PIK3R5: variants seen among roughly 807,000 people sequenced by gnomAD.
PIK3R5 encodes phosphoinositide 3-kinase regulatory subunit 5.
A neutral mutation model predicts 94.9 loss-of-function variants in PIK3R5; 32 were observed. The ratio of observed to expected loss-of-function variants is 0.34; its 90% CI spans 0.25 to 0.45. PIK3R5 has a LOEUF of 0.45. PIK3R5 is among the 20% of genes least tolerant of loss of function. PIK3R5 has a pLI of 1.00. For synonymous variants in PIK3R5, 443 were observed against 479.4 expected, an observed-to-expected ratio of 0.92 and a Z score of 0.99; for missense variants, 853 against 1,144.6, an observed-to-expected ratio of 0.75 and a Z score of 3.68.
chr17:8,902,845 A>G (rs1428635665), intron 5 of PIK3R5, among the ~76,000 whole-genome samples: 1 of 113,496 alleles, frequency 8.8e-6, no homozygotes, highest in East Asian at 2.1e-4. Flanking sequence ...TTTTAGATAG[A>G]ATTTTTTTTT....
chr17:8,949,958 C>T (rs1167520759), intron 1 of PIK3R5, among the ~76,000 whole-genome samples: 1 of 152,082 alleles, frequency 6.6e-6, no homozygotes, highest in African/African-American at 2.4e-5. Context: ...TGTCTGAGTC[C>T]ACCAGTCCCC....
chr17:8,927,186 T>C (rs1450109450), intron 1 of PIK3R5, among the ~76,000 whole-genome samples: 1 of 152,162 alleles, frequency 6.6e-6, no homozygotes, highest in Non-Finnish European at 1.5e-5. Context: ...AATAAAGCCC[T>C]CACAAAAGCC....
At chr17:8,900,607 C>A (rs1443137416) in intron 5 of PIK3R5, among the ~76,000 whole-genome samples, 1 of 152,210 alleles carries the variant, frequency 6.6e-6, no homozygotes, top group Admixed American at 6.5e-5. Flanking sequence ...AAAAGGCCAT[C>A]AGCAGTGAGT....
chr17:8,882,850 C>T lies in PIK3R5; in HGVS notation c.2206-969G>A, dbSNP rs1055424132. On this transcript the variant is annotated intron_variant, in intron 15 of 18. Coordinates refer to ENST00000447110, the MANE Select transcript of PIK3R5 (RefSeq NM_001142633.3). The surrounding 1 kb of genome is among the most constrained non-coding windows in gnomAD (Gnocchi z 4.1). ...TCCCATTCCTTTCCAGCTCTGCCAC[C>T]ACTACCCTAGTGCAGGCTGCTGCCC... Among the ~76,000 whole-genome samples the T allele has an allele frequency of 2.7e-5, 4 of 150,262 alleles. No individual in the cohort carries two copies. Among genetic ancestry groups the T allele is most frequent in the Non-Finnish European group, 5.9e-5 (4 of 67,960 alleles).
intron 1 of PIK3R5, among the ~76,000 whole-genome samples, chr17:8,958,321 C>G (rs563875585): frequency 6.6e-6 from 1 of 150,962 alleles, no homozygotes; most frequent in East Asian, 1.9e-4. Context: ...CACAGCAAAT[C>G]AAACCTAGCA....
chr17:8,890,758 C>A lies in PIK3R5; in HGVS notation c.637G>T (p.Gly213Cys), dbSNP rs1167336183. 1 of 1,610,592 alleles carries A rather than the reference C, an allele frequency of 6.2e-7. No homozygotes were observed. Among genetic ancestry groups the A allele is most frequent in the South Asian group, 1.1e-5 (1 of 90,344 alleles). Residue 213 changes from glycine (G) to cysteine (C), a missense_variant, in exon 7 of 19, where the codon GGC (glycine) becomes TGC (cysteine). Transcript: ENST00000447110. The surrounding 1 kb of genome is among the most constrained non-coding windows in gnomAD (Gnocchi z 6.1). Reference protein sequence around the residue: ...ATFGAHCDVPGLHCRLQAKTL... With the variant: ...ATFGAHCDVPCLHCRLQAKTL... ...CATACCTGTAGCCTGCAGTGCAGGC[C>A]CGGGACGTCACAGTGGGCCCCAAAG...
rs2089648028 is a variant in PIK3R5 at position 8,881,172 on chromosome 17, G to A, written c.2383-155C>T. 6.6e-6 allele frequency among the ~76,000 whole-genome samples: 1 copy of A among 152,102 alleles called. No individual in the cohort carries two copies. The highest frequency in any genetic ancestry group is 1.5e-5 in the Non-Finnish European group (1 of 68,018). On this transcript the variant is annotated intron_variant, in intron 17 of 18. Transcript: ENST00000447110. This position sits in a 1 kb window ranked among gnomAD's most constrained non-coding sequence, Gnocchi z 4.8. ...CTCCAGGGTTAATGGCCAGGTCACA[G>A]GAGGGAGCCTGAGGCCTCCATCAGC... is the stretch of plus-strand genomic sequence containing the variant.
chr17:8,886,829 C>G (rs1005198628), intron 12 of PIK3R5, among the ~76,000 whole-genome samples: 3 of 152,160 alleles, frequency 2.0e-5, no homozygotes, highest in African/African-American at 7.2e-5. Context: ...CAGACAAAGG[C>G]GGGAGTTGAG....
chr17:8,954,691 T>G (rs892584144), intron 1 of PIK3R5, among the ~76,000 whole-genome samples: 45 of 152,112 alleles, frequency 3.0e-4, no homozygotes, highest in African/African-American at 1.0e-3. Context: ...ATCCCAGCAC[T>G]TCGGGAGGCC....
intron 1 of PIK3R5, among the ~76,000 whole-genome samples, chr17:8,946,215 T>C (rs2091267583): frequency 6.6e-6 from 1 of 152,110 alleles, no homozygotes; most frequent in South Asian, 2.1e-4. Flanking sequence ...GCCAGCCCCT[T>C]ACCGAGACCA....
In PIK3R5 at chr17:8,958,490, A is replaced by G. The variant is rs140022017; in HGVS notation, c.-14+7106T>C. 4.5e-3 allele frequency among the ~76,000 whole-genome samples: 676 copies of G among 149,808 alleles called. 9 individuals are homozygous for G. The highest frequency in any genetic ancestry group is 0.014 in the African/African-American group (559 of 39,228). On this transcript the variant is annotated intron_variant, in intron 1 of 18. Coordinates refer to ENST00000447110, the MANE Select transcript of PIK3R5 (RefSeq NM_001142633.3). ...TGCAGATGCTTTAAAAAAGTATTGGACAAATGTAACATCCATTCATGCTTT... is the reference window on the plus strand; with the variant it reads ...TGCAGATGCTTTAAAAAAGTATTGGGCAAATGTAACATCCATTCATGCTTT...
chr17:8,891,893 C>T (rs1031371043), intron 6 of PIK3R5, among the ~76,000 whole-genome samples: 4 of 152,082 alleles, frequency 2.6e-5, no homozygotes, highest in African/African-American at 7.2e-5. Flanking sequence ...CGTGAGCCAC[C>T]GCGCCCGGCT....
At chr17:8,937,374 C>T (rs572115195) in intron 1 of PIK3R5, among the ~76,000 whole-genome samples, 113 of 152,264 alleles carry the variant, frequency 7.4e-4, no homozygotes, top group African/African-American at 2.6e-3. Context: ...GTTAGCTGTA[C>T]GTTTTCTGTA....
rs760651514 is a variant in PIK3R5 at position 8,887,666 on chromosome 17, C to T, written c.1634G>A (p.Arg545His). 1.5e-5 allele frequency: 24 copies of T among 1,601,090 alleles called. No homozygotes were observed. In the Admixed American group the frequency reaches 2.9e-4, roughly 19 times the overall value. Residue 545 changes from arginine (R) to histidine (H), a missense_variant, in exon 11 of 19, where the codon CGC becomes CAC. Physicochemically the swap from Arg to His is conservative, Grantham distance 29. Around this residue, in one of 6 missense-constraint regions of PIK3R5, gnomAD observed 319 missense variants for 339.8 expected, o/e 0.94. Coordinates refer to ENST00000447110, the MANE Select transcript of PIK3R5 (RefSeq NM_001142633.3). ...YSNLRRLENN[R>H]PLLTRFFKLQ... Reference sequence around the variant, plus strand: ...TTTGAAGAACCGTGTGAGGAGTGGGCGATTGTTCTCCAGCCGCCTGGCAAG... The same window carrying T: ...TTTGAAGAACCGTGTGAGGAGTGGGTGATTGTTCTCCAGCCGCCTGGCAAG...
chr17:8,939,011 A>T (rs2091127139), intron 1 of PIK3R5, among the ~76,000 whole-genome samples: 1 of 152,186 alleles, frequency 6.6e-6, no homozygotes, highest in Non-Finnish European at 1.5e-5. Context: ...GGGCTTACAT[A>T]AGCTGGTGCC....
chr17:8,885,679 C>T (rs1288122175), intron 14 of PIK3R5, among the ~76,000 whole-genome samples: 2 of 106,320 alleles, frequency 1.9e-5, no homozygotes, highest in Non-Finnish European at 3.7e-5. Context: ...TCCCCATGGC[C>T]CTGCCTCCTA....
rs1597432434 is a variant in PIK3R5, at chr17:8,950,242, T to C, written c.-14+15354A>G. Reference sequence around the variant, plus strand: ...TTGAGTAGCTTCATCTGTAGGGACATTGCTCCTAAAATGCCAGAGAACCCT... The same window carrying C: ...TTGAGTAGCTTCATCTGTAGGGACACTGCTCCTAAAATGCCAGAGAACCCT... On this transcript the variant is annotated intron_variant, in intron 1 of 18. Coordinates refer to ENST00000447110, the MANE Select transcript of PIK3R5 (RefSeq NM_001142633.3). Among the ~76,000 whole-genome samples, 3 of 152,266 alleles carry C rather than the reference T, an allele frequency of 2.0e-5. No individual in the cohort carries two copies. In the South Asian group the frequency reaches 6.2e-4, roughly 31 times the overall value.
chr17:8,911,598 C>A lies in PIK3R5; in HGVS notation c.-13-91G>T. ...AAGACAACAGGTGCTCACAGTGCAGCGCGATCAGCCCAGCCCAGCTATAGC... is the reference window on the plus strand; with the variant it reads ...AAGACAACAGGTGCTCACAGTGCAGAGCGATCAGCCCAGCCCAGCTATAGC... On this transcript the variant is annotated intron_variant, in intron 1 of 18. Transcript: ENST00000447110. This position sits in a 1 kb window ranked among gnomAD's most constrained non-coding sequence, Gnocchi z 5.3. 1 of 794,684 alleles carries A rather than the reference C, an allele frequency of 1.3e-6. No individual in the cohort carries two copies. Among genetic ancestry groups the A allele is most frequent in the Non-Finnish European group, 2.0e-6 (1 of 489,430 alleles). 49.2% of individuals were successfully genotyped at this position (794,684 alleles called of 1,614,324 possible).
Position 8,889,204 on chromosome 17 carries a change from T to C in PIK3R5, c.830A>G (p.Lys277Arg). 6.2e-7 allele frequency: 1 copy of C among 1,613,676 alleles called. No individual in the cohort carries two copies. Among genetic ancestry groups the C allele is most frequent in the Non-Finnish European group, 8.5e-7 (1 of 1,179,704 alleles). Residue 277 changes from lysine (K) to arginine (R), a missense_variant, in exon 9 of 19, where the codon AAG (lysine) becomes AGG (arginine). By Grantham distance (26) the Lys-to-Arg change is conservative. Coordinates refer to ENST00000447110, the MANE Select transcript of PIK3R5 (RefSeq NM_001142633.3). This position sits in a 1 kb window ranked among gnomAD's most constrained non-coding sequence, Gnocchi z 4.1. Reference sequence around the variant, plus strand: ...GACAGGGATGGGGATGGTGTGGAGCTTCCCTGGTTTTGCAGTGTCTGTAAG... The same window carrying C: ...GACAGGGATGGGGATGGTGTGGAGCCTCCCTGGTTTTGCAGTGTCTGTAAG... ...PGVLDTAKPG[K>R]LHTIPIPVAR... is the part of the protein sequence containing the mutation.
Sources: gnomAD v4.1 joint callset for allele counts (sites outside exome capture counted in the v4.1 genomes callset) on GRCh38, gnomAD v4.1.1 for gene constraint, gnomAD v4.1.1 regional missense constraint, Gnocchi (gnomAD v3.1) non-coding constraint, MANE v1.5 for transcripts, NCBI Gene and HGNC (gene_info 2026-07-23, HGNC 2026-07-21) for gene names.